TMED3: variants seen among roughly 807,000 people sequenced by gnomAD.
The protein encoded by TMED3 is transmembrane p24 trafficking protein 3, also known as transmembrane emp24 domain-containing protein 3.
TMED3 carries 9 observed loss-of-function variants against 15.0 expected under a neutral mutation model. The observed-to-expected ratio is 0.60, with a 90% CI of 0.36 to 1.04. The LOEUF is 1.04. Among genes scored for constraint, TMED3 ranks in the 50% least tolerant of loss-of-function variants. The probability of loss-of-function intolerance (pLI) is 0.01; values close to 1 mark genes in which losing one functional copy is unlikely to be tolerated. For missense variants in TMED3, 267 were observed against 278.9 expected (o/e 0.96, Z 0.30); for synonymous variants, 117 against 121.4 (o/e 0.96, Z 0.24).
At chr15:79,387,580 A>G (rs1277683753) in intron 2 of TMED3, among the ~76,000 whole-genome samples, 2 of 142,690 alleles carry the variant, frequency 1.4e-5, no homozygotes, top group Non-Finnish European at 3.1e-5. Flanking sequence ...TAAAATACAC[A>G]CACACATGCA....
chr15:79,377,905 CAA>C (rs1893459467), intron 2 of TMED3, among the ~76,000 whole-genome samples: 1 of 152,204 alleles, frequency 6.6e-6, no homozygotes, highest in Non-Finnish European at 1.5e-5. Flanking sequence ...CTTGGCCTCC[CAA>C]AGTGCTGGGA....
At chr15:79,380,575 A>G (rs1275690184) in intron 2 of TMED3, among the ~76,000 whole-genome samples, 1 of 139,094 alleles carries the variant, frequency 7.2e-6, no homozygotes, top group African/African-American at 2.7e-5. Flanking sequence ...TTACATATAT[A>G]TAGTTTTATA....
At chr15:79,412,212 TC>T (rs1893994547) in exon 3 of TMED3, 2 of 151,732 alleles carry the variant, frequency 1.3e-5, no homozygotes, top group Non-Finnish European at 2.9e-5. Flanking sequence ...CCCATGGCCA[TC>T]CCCCCCAATC....
downstream of TMED3, among the ~76,000 whole-genome samples, chr15:79,324,936 C>G (rs2058782117): frequency 6.6e-6 from 1 of 152,116 alleles, no homozygotes; most frequent in Non-Finnish European, 1.5e-5. Context: ...GTAAAATGAG[C>G]AGAAGGGAGT....
chr15:79,358,339 A>G (rs990999477), intron 2 of TMED3, among the ~76,000 whole-genome samples: 8 of 152,350 alleles, frequency 5.3e-5, no homozygotes, highest in Admixed American at 5.2e-4. Flanking sequence ...CAAAGCATAA[A>G]ACTTTAAATG....
chr15:79,411,957 C>T (rs1893987075), exon 3 of TMED3: 1 of 160,282 alleles, frequency 6.2e-6, no homozygotes, highest in African/African-American at 2.4e-5. Context: ...ATAACCTGAG[C>T]ACCCCTTGGT....
At chr15:79,378,905 T>G (rs2141248486) in intron 2 of TMED3, among the ~76,000 whole-genome samples, 1 of 152,338 alleles carries the variant, frequency 6.6e-6, no homozygotes, top group South Asian at 2.1e-4. Flanking sequence ...TTTAGAATTG[T>G]GACTCAATTC....
chr15:79,410,379 A>G (rs887066313), intron 2 of TMED3, among the ~76,000 whole-genome samples: 1 of 152,192 alleles, frequency 6.6e-6, no homozygotes, highest in Non-Finnish European at 1.5e-5. Context: ...TACTGACAGT[A>G]TAGGAGAGGG....
At chr15:79,366,006 G>A (rs1893227887) in intron 2 of TMED3, among the ~76,000 whole-genome samples, 1 of 152,194 alleles carries the variant, frequency 6.6e-6, no homozygotes, top group Non-Finnish European at 1.5e-5. Context: ...CCAGAGGAAA[G>A]CAAAGAGATA....
intron 2 of TMED3, among the ~76,000 whole-genome samples, chr15:79,381,287 A>G (rs1292818989): frequency 6.6e-6 from 1 of 152,208 alleles, no homozygotes; most frequent in Non-Finnish European, 1.5e-5. Context: ...ACAGCCTTGA[A>G]CAAATGAACC....
chr15:79,354,090 T>C (rs1404204041), intron 2 of TMED3, among the ~76,000 whole-genome samples: 3 of 152,132 alleles, frequency 2.0e-5, no homozygotes, highest in Admixed American at 6.6e-5. Flanking sequence ...GCATGAGTAG[T>C]TGGGATGTAT....
chr15:79,346,218 T>G (rs1309769327), intron 2 of TMED3, among the ~76,000 whole-genome samples: 1 of 152,198 alleles, frequency 6.6e-6, no homozygotes, highest in Non-Finnish European at 1.5e-5. Flanking sequence ...TGTCATGAAG[T>G]TTTGCCTGTT....
chr15:79,384,290 C>A (rs747783009), intron 2 of TMED3: 1 of 152,194 alleles, frequency 6.6e-6, no homozygotes, highest in Non-Finnish European at 1.5e-5. Context: ...GTGGGATATT[C>A]GTATAGTTTT....
chr15:79,404,063 A>C (rs934513767), intron 2 of TMED3, among the ~76,000 whole-genome samples: 3 of 152,206 alleles, frequency 2.0e-5, no homozygotes, highest in Non-Finnish European at 2.9e-5. Flanking sequence ...TGGTAGTTAC[A>C]TATTCACACA....
Position 79,311,175 on chromosome 15 carries a change from G to C in TMED3, c.-75G>C. ...TCCCCTTACATCCTCCTAGGACCCGGTCGGTAGTCGTCGCCCCAGCCCGCC... is the reference window on the plus strand; with the variant it reads ...TCCCCTTACATCCTCCTAGGACCCGCTCGGTAGTCGTCGCCCCAGCCCGCC... On this transcript the variant is annotated 5_prime_UTR_variant, in exon 1 of 3. Transcript: ENST00000299705. The C allele has an allele frequency of 6.7e-7, 1 of 1,485,174 alleles. No individual in the cohort carries two copies. The highest frequency in any genetic ancestry group is 2.5e-5 in the East Asian group (1 of 40,282). 92.0% of individuals were successfully genotyped at this position (1,485,174 alleles called of 1,614,324 possible).
chr15:79,335,451 G>C (rs138591929), intron 2 of TMED3, among the ~76,000 whole-genome samples: 237 of 152,298 alleles, frequency 1.6e-3, no homozygotes, highest in African/African-American at 5.6e-3. Flanking sequence ...AACTCTGGGA[G>C]AGACAGTGTG....
intron 2 of TMED3, among the ~76,000 whole-genome samples, chr15:79,335,706 A>C (rs542572940): frequency 2.3e-4 from 35 of 152,356 alleles, no homozygotes; most frequent in African/African-American, 8.2e-4. Context: ...TCTAGGGACT[A>C]TAAATGTTAT....
At chr15:79,406,666 A>T (rs974086928) in intron 2 of TMED3, among the ~76,000 whole-genome samples, 1 of 152,158 alleles carries the variant, frequency 6.6e-6, no homozygotes, top group African/African-American at 2.4e-5. Flanking sequence ...AGGAACAGTG[A>T]TTTTCTGTTG....
At chr15:79,335,572 G>A (rs570240472) in intron 2 of TMED3, among the ~76,000 whole-genome samples, 80 of 152,204 alleles carry the variant, frequency 5.3e-4, no homozygotes, top group African/African-American at 1.8e-3. Flanking sequence ...AACCACTCTT[G>A]AATCAGCTAC....
Sources: allele counts gnomAD v4.1 joint callset (sites outside exome capture counted in the v4.1 genomes callset), GRCh38; gene constraint gnomAD v4.1.1; transcripts MANE v1.5; gene names NCBI Gene and HGNC (gene_info 2026-07-23, HGNC 2026-07-21).